The following KDM5A variants were observed in gnomAD, a reference collection of about 807,000 sequenced individuals.
KDM5A encodes the protein lysine demethylase 5A, also known as lysine-specific demethylase 5A.
Under a neutral mutation model 193.5 loss-of-function variants are expected in KDM5A, and 42 were observed. The ratio of observed to expected loss-of-function variants is 0.22; its 90% CI spans 0.17 to 0.28. KDM5A has a LOEUF of 0.28. KDM5A is among the 10% of genes least tolerant of loss of function. KDM5A has a pLI of 1.00. For synonymous variants in KDM5A, 796 were observed against 718.1 expected, an observed-to-expected ratio of 1.11 and a Z score of -1.73; for missense variants, 1,692 against 2,055.1, an observed-to-expected ratio of 0.82 and a Z score of 3.42.
In KDM5A at chr12:365,949, A is replaced by G. The variant is rs974326251; in HGVS notation, c.522T>C (p.Ser174=). 2 of 1,614,046 alleles carry G rather than the reference A, an allele frequency of 1.2e-6. No homozygotes were observed. Among genetic ancestry groups the G allele is most frequent in the Non-Finnish European group, 8.5e-7 (1 of 1,179,878 alleles). The change falls in exon 4 of 28, where the codon TCT becomes TCC. Residue 174 remains serine, a synonymous_variant. Transcript: ENST00000399788. ...TGCATCTCACCATAAGGCTCACACC[A>G]GACTGGAAAAGCTCATATGGGTAGA... The part of the protein sequence containing the change: ...RILYPYELFQ[S]GVSLMGVQMP...
intron 17 of KDM5A, 28 bp from the exon 18 acceptor site, chr12:321,137 G>A: frequency 1.3e-6 from 2 of 1,517,512 alleles, no homozygotes; most frequent in South Asian, 1.1e-5. Context: ...TGAGATATAA[G>A]TAAGAAAAAT....
intron 19 of KDM5A, among the ~76,000 whole-genome samples, chr12:314,763 CA>C (rs770342186): frequency 6.6e-6 from 1 of 151,960 alleles, no homozygotes; most frequent in Non-Finnish European, 1.5e-5. Flanking sequence ...AAGAGTGCTC[CA>C]CAGGAGAATA....
In KDM5A at chr12:281,034, A is replaced by C. The variant is rs1943149640; in HGVS notation, c.*4422T>G. On this transcript the variant is annotated 3_prime_UTR_variant, in exon 28 of 28. Coordinates refer to ENST00000399788, the MANE Select transcript of KDM5A (RefSeq NM_001042603.3). Reference sequence around the variant, plus strand: ...CAAAATGTACTTTTGCTTGGTTACCATTTAAAGTTGCCACCAATGTAAATG... The same window carrying C: ...CAAAATGTACTTTTGCTTGGTTACCCTTTAAAGTTGCCACCAATGTAAATG... 4.3e-6 allele frequency: 1 copy of C among 232,816 alleles called. No homozygotes were observed. Among genetic ancestry groups the C allele is most frequent in the African/African-American group, 2.2e-5 (1 of 45,324 alleles). The allele number at this position is 232,816 out of a possible 1,614,324, so 14.4% of individuals were successfully genotyped here.
intron 21 of KDM5A, 35 bp from the exon 22 acceptor site, chr12:309,999 T>G (rs761607093): frequency 6.2e-7 from 1 of 1,601,856 alleles, no homozygotes; most frequent in South Asian, 1.1e-5. Flanking sequence ...AAACTCTGGT[T>G]TTGAAAATAA....
rs775939485 is a variant in KDM5A at position 389,305 on chromosome 12, A to T, written c.-214T>A. The T allele has an allele frequency of 4.4e-6, 3 of 685,528 alleles. No individual in the cohort carries two copies. Among genetic ancestry groups the T allele is most frequent in the South Asian group, 1.5e-5 (1 of 64,934 alleles). 42.5% of individuals were successfully genotyped at this position (685,528 alleles called of 1,614,324 possible). ...CCACTGAGGTTCAGGACTTTTCCGG[A>T]AGTTACCGTGCTGTCAAATCCCTCC... On this transcript the variant is annotated 5_prime_UTR_variant, in exon 1 of 28. Transcript: ENST00000399788.
intron 26 of KDM5A, among the ~76,000 whole-genome samples, chr12:295,278 A>AAG (rs766510505): frequency 0.15 from 22,458 of 149,980 alleles, 1,984 homozygotes; most frequent in Non-Finnish European, 0.2. Context: ...GGAAAAAGGA[A>AAG]AGGAAAGAAG....
intron 5 of KDM5A, among the ~76,000 whole-genome samples, chr12:361,782 T>C (rs1944297034): frequency 6.6e-6 from 1 of 152,232 alleles, no homozygotes; most frequent in Non-Finnish European, 1.5e-5. Context: ...AATGAGGTTA[T>C]CACTTTCCAA....
intron 22 of KDM5A, among the ~76,000 whole-genome samples, chr12:308,806 C>T (rs1381431479): frequency 6.6e-6 from 1 of 152,216 alleles, no homozygotes; most frequent in Non-Finnish European, 1.5e-5. Context: ...AGAGCTATAT[C>T]ACATGCAATT....
At chr12:330,085 G>GTGTGTA (rs377271333) in intron 13 of KDM5A, among the ~76,000 whole-genome samples, 34 of 139,376 alleles carry the variant, frequency 2.4e-4, no homozygotes, top group Non-Finnish European at 3.4e-4. Flanking sequence ...GTGTGTGTGT[G>GTGTGTA]TATATATATA....
chr12:352,053 G>A (rs1345701765), intron 9 of KDM5A, 152 bp downstream of exon 9: 10 of 648,820 alleles, frequency 1.5e-5, no homozygotes, highest in Middle Eastern at 3.8e-4. Context: ...GCAGTGAGCC[G>A]AGATTGTGCC....
chr12:370,087 T>C (rs1389315959), intron 3 of KDM5A, among the ~76,000 whole-genome samples: 1 of 152,196 alleles, frequency 6.6e-6, no homozygotes, highest in East Asian at 1.9e-4. Context: ...AAGATTATCA[T>C]ACATAATTTA....
intron 10 of KDM5A, among the ~76,000 whole-genome samples, chr12:344,187 G>A (rs1458276190): frequency 1.3e-5 from 2 of 152,170 alleles, no homozygotes; most frequent in Non-Finnish European, 2.9e-5. Context: ...TCAAATTAAT[G>A]AAATAAAGTG....
chr12:374,720 CCTTTA>C (rs1281640528), intron 3 of KDM5A, among the ~76,000 whole-genome samples: 7 of 152,076 alleles, frequency 4.6e-5, no homozygotes, highest in Non-Finnish European at 1.0e-4. Context: ...ACCAGTTGTT[CCTTTA>C]CATGTTTAGT....
intron 1 of KDM5A, among the ~76,000 whole-genome samples, chr12:387,686 A>G (rs1383521092): frequency 1.3e-5 from 2 of 152,190 alleles, no homozygotes; most frequent in Non-Finnish European, 2.9e-5. Context: ...CCAAGATCAC[A>G]CATTTGGTGT....
In KDM5A at chr12:389,186, G is replaced by T. The variant is rs970276855; in HGVS notation, c.-95C>A. The T allele has an allele frequency of 8.5e-7, 1 of 1,170,948 alleles. No individual in the cohort carries two copies. Among genetic ancestry groups the T allele is most frequent in the Non-Finnish European group, 1.3e-6 (1 of 779,178 alleles). The allele number at this position is 1,170,948 out of a possible 1,614,324, so 72.5% of individuals were successfully genotyped here. ...AGCCCGTTCAAGTCCCCTGACAGAGGCCGAAGCGCATCTTCGCGGACAAGA... is the reference window on the plus strand; with the variant it reads ...AGCCCGTTCAAGTCCCCTGACAGAGTCCGAAGCGCATCTTCGCGGACAAGA... On this transcript the variant is annotated 5_prime_UTR_variant, in exon 1 of 28. Coordinates refer to ENST00000399788, the MANE Select transcript of KDM5A (RefSeq NM_001042603.3).
chr12:350,691 A>G lies in KDM5A; in HGVS notation c.1238T>C (p.Ile413Thr). The G allele has an allele frequency of 6.2e-7, 1 of 1,613,992 alleles. No individual in the cohort carries two copies. The highest frequency in any genetic ancestry group is 8.5e-7 in the Non-Finnish European group (1 of 1,179,944). The stretch of plus-strand genomic sequence containing the variant: ...TCCACTTCCAAAGTCTTTTGAGGAG[A>G]TATCTGCTCCATATTCCACAATAAC... ...EDVIVEYGAD[I>T]SSKDFGSGFP... The change falls in exon 10 of 28, where the codon ATC becomes ACC. Residue 413 changes from isoleucine (I) to threonine (T), a missense_variant. Ile to Thr is a moderately conservative substitution (Grantham distance 89, BLOSUM62 -1). Around this residue, in one of 11 missense-constraint regions of KDM5A, gnomAD observed 172 missense variants for 260.3 expected, o/e 0.66. Transcript: ENST00000399788.
chr12:344,851 G>A (rs1283154542), intron 10 of KDM5A, among the ~76,000 whole-genome samples: 1 of 152,144 alleles, frequency 6.6e-6, no homozygotes, highest in Non-Finnish European at 1.5e-5. Context: ...TGAAGAAACT[G>A]CATCAATTCA....
At chr12:294,242 G>A (rs1303038091) in intron 26 of KDM5A, among the ~76,000 whole-genome samples, 1 of 152,094 alleles carries the variant, frequency 6.6e-6, no homozygotes. Flanking sequence ...ATGTGCCAAT[G>A]TAATAAACAT....
At position 318,309 on chromosome 12, in the gene KDM5A, T is replaced by C. The variant is rs762528288; in HGVS notation, c.2694A>G (p.Leu898=). ...LPELPRLKQE[L]QQARWLDEVR... ...CTTCGTCCAACCACCGAGCCTGTTG[T>C]AGCTCTTGCTTCAGTCGTGGTAATT... Residue 898 remains leucine, a synonymous_variant, in exon 19 of 28, where the codon CTA becomes CTG. Transcript: ENST00000399788. 1 of 1,614,190 alleles carries C rather than the reference T, an allele frequency of 6.2e-7. No individual in the cohort carries two copies. Among genetic ancestry groups the C allele is most frequent in the African/African-American group, 1.3e-5 (1 of 75,054 alleles).
Sources: allele counts gnomAD v4.1 joint callset (sites outside exome capture counted in the v4.1 genomes callset), GRCh38; gene constraint gnomAD v4.1.1; regional missense constraint gnomAD v4.1.1; transcripts MANE v1.5; gene names NCBI Gene and HGNC (gene_info 2026-07-23, HGNC 2026-07-21).